The following PRSS57 variants were observed in gnomAD, a reference collection of about 807,000 sequenced individuals.
PRSS57 encodes the protein neutrophil serine protease 4.
PRSS57 carries 19 observed loss-of-function variants against 20.6 expected under a neutral mutation model. That is an observed-to-expected ratio of 0.92 (90% CI 0.64 to 1.35). The LOEUF is 1.35. PRSS57 is among the 40% of genes most tolerant of loss of function. The pLI is 0.00. For synonymous variants in PRSS57, 203 were observed against 176.6 expected, an observed-to-expected ratio of 1.15 and a Z score of -1.19; for missense variants, 440 against 403.7, an observed-to-expected ratio of 1.09 and a Z score of -0.77.
At chr19:689,935 C>A (rs572601933) in intron 3 of PRSS57, among the ~76,000 whole-genome samples, 16 of 151,944 alleles carry the variant, frequency 1.1e-4, no homozygotes, top group Admixed American at 3.9e-4. Flanking sequence ...TGCCTGTGAT[C>A]CCAGCTACTC....
chr19:693,493 TGC>T (rs1378677803), intron 2 of PRSS57, among the ~76,000 whole-genome samples: 5 of 152,082 alleles, frequency 3.3e-5, no homozygotes, highest in African/African-American at 1.2e-4. Context: ...ATCCATTTAA[TGC>T]TCACGCCGGC....
chr19:687,694 C>T (rs377222140), intron 3 of PRSS57, among the ~76,000 whole-genome samples: 49 of 152,148 alleles, frequency 3.2e-4, no homozygotes, highest in Admixed American at 1.3e-3. Flanking sequence ...AGTGAGCCGC[C>T]GCGCCCAGCC....
At position 695,343 on chromosome 19, in the gene PRSS57, G is replaced by C; in HGVS notation, c.79+9C>G. Reference sequence around the variant, plus strand: ...GGGGCCTGGGTGGGGATCCCGGGGGGCTCCTCACCGGGGGGCTTCACGGGC... The same window carrying C: ...GGGGCCTGGGTGGGGATCCCGGGGGCCTCCTCACCGGGGGGCTTCACGGGC... On this transcript the variant is annotated intron_variant, in intron 1 of 4. Coordinates refer to ENST00000329267, the MANE Select transcript of PRSS57 (RefSeq NM_001308209.2). 8.0e-7 allele frequency: 1 copy of C among 1,253,802 alleles called. No individual in the cohort carries two copies. The highest frequency in any genetic ancestry group is 3.8e-5 in the Admixed American group (1 of 26,184). 77.7% of individuals were successfully genotyped at this position (1,253,802 alleles called of 1,614,324 possible). A position where few individuals can be genotyped will look rare whatever the true frequency, so the allele number is the denominator to read the frequency against.
Position 686,962 on chromosome 19 carries a change from G to A in PRSS57, c.605C>T (p.Thr202Ile). 1 of 1,614,124 alleles carries A rather than the reference G, an allele frequency of 6.2e-7. No homozygotes were observed. Among genetic ancestry groups the A allele is most frequent in the Non-Finnish European group, 8.5e-7 (1 of 1,180,020 alleles). The stretch of plus-strand genomic sequence containing the variant: ...CCGTCTGTGGCTGTCCCCACTGCGG[G>A]TGCAGAGCATGGTAAGTGTCAGGTG... Reference protein sequence around the residue: ...KGHLTLTMLCTRSGDSHRRGF... With the variant: ...KGHLTLTMLCIRSGDSHRRGF... Residue 202 changes from threonine (T) to isoleucine (I), a missense_variant, in exon 4 of 5, where the codon ACC becomes ATC. By Grantham distance (89) the Thr-to-Ile change is moderately conservative. Transcript: ENST00000329267.
Position 685,661 on chromosome 19 carries a change from C to T in PRSS57, c.*55G>A, listed in dbSNP as rs12986403. The T allele has an allele frequency of 0.1, 148,939 of 1,450,266 alleles. 8,462 individuals are homozygous for T. The highest frequency in any genetic ancestry group is 0.17 in the African/African-American group (12,151 of 70,460). The allele number at this position is 1,450,266 out of a possible 1,614,324, so 89.8% of individuals were successfully genotyped here. A position where few individuals can be genotyped will look rare whatever the true frequency, so the allele number is the denominator to read the frequency against. Reference sequence around the variant, plus strand: ...TCAGGCTTCCCGTGGGGCCCAGCCACGGAACATTCCAGGCCTGGAGCGGCC... The same window carrying T: ...TCAGGCTTCCCGTGGGGCCCAGCCATGGAACATTCCAGGCCTGGAGCGGCC... On this transcript the variant is annotated 3_prime_UTR_variant, in exon 5 of 5. Transcript: ENST00000329267.
intron 3 of PRSS57, chr19:690,644 C>T: frequency 4.1e-6 from 1 of 245,722 alleles, no homozygotes; most frequent in Non-Finnish European, 8.2e-6. Context: ...TATGCCGGTG[C>T]AGAAGCAGAT....
intron 1 of PRSS57, among the ~76,000 whole-genome samples, 175 bp from the exon 2 acceptor site, chr19:695,142 G>A (rs1473487319): frequency 6.6e-6 from 1 of 152,110 alleles, no homozygotes; most frequent in African/African-American, 2.4e-5. Context: ...GCGCTGGGAG[G>A]GGCTCCCGAG....
At position 687,077 on chromosome 19, in the gene PRSS57, C is replaced by T. The variant is rs142029898; in HGVS notation, c.490G>A (p.Val164Met). 343 of 1,613,940 alleles carry T rather than the reference C, an allele frequency of 2.1e-4. 1 individual carries two copies. In the African/African-American group the frequency reaches 3.9e-3, roughly 18 times the overall value. Residue 164 changes from valine to methionine, a missense_variant, in exon 4 of 5, where the codon GTG (valine) becomes ATG (methionine). Transcript: ENST00000329267. ...GGCGGCAGCTCCTCAAAGTCAGACA[C>T]GAAGCCCCAGCCAGCCACCCGGCAC... is the stretch of plus-strand genomic sequence containing the variant. ...TRCRVAGWGFVSDFEELPPGL... is the reference protein window; with the variant it reads ...TRCRVAGWGFMSDFEELPPGL...
At chr19:693,669 A>C (rs575028705) in intron 2 of PRSS57, among the ~76,000 whole-genome samples, 3 of 149,476 alleles carry the variant, frequency 2.0e-5, no homozygotes, top group African/African-American at 7.4e-5. Context: ...CCTGGGTTCA[A>C]GTGATTCTCC....
intron 3 of PRSS57, chr19:690,259 C>G (rs975163011): frequency 6.6e-6 from 1 of 151,122 alleles, no homozygotes; most frequent in Non-Finnish European, 1.5e-5. Flanking sequence ...TGCAGTGAGC[C>G]GAGATCGTGC....
intron 3 of PRSS57, 148 bp from the exon 4 acceptor site, chr19:687,336 C>G (rs1600667112): frequency 1.2e-5 from 11 of 912,292 alleles, no homozygotes; most frequent in Non-Finnish European, 1.7e-5. Context: ...CCCGTTCCTT[C>G]TGCCAACACA....
At position 691,978 on chromosome 19, in the gene PRSS57, C is replaced by T; in HGVS notation, c.258G>A (p.Val86=). ...CAGTACTCAGGACGTGGGCGCCCAG[C>T]ACCACCAGGCCAGTGCGGAGGTCTC... ...SHRDLRTGLV[V]LGAHVLSTAE... is the part of the protein sequence containing the mutation. The change falls in exon 3 of 5, where the codon GTG becomes GTA. Residue 86 remains valine, a synonymous_variant. Coordinates refer to ENST00000329267, the MANE Select transcript of PRSS57 (RefSeq NM_001308209.2). 7.5e-7 allele frequency: 1 copy of T among 1,326,310 alleles called. No homozygotes were observed. The highest frequency in any genetic ancestry group is 9.7e-7 in the Non-Finnish European group (1 of 1,028,926). 82.2% of individuals were successfully genotyped at this position (1,326,310 alleles called of 1,614,324 possible). A position where few individuals can be genotyped will look rare whatever the true frequency, so the allele number is the denominator to read the frequency against.
intron 3 of PRSS57, chr19:691,017 CA>C: frequency 2.6e-6 from 1 of 383,574 alleles, no homozygotes; most frequent in Non-Finnish European, 4.9e-6. Context: ...GCCACTTTGC[CA>C]AGGCCGCCTC....
chr19:685,699 T>G lies in PRSS57; in HGVS notation c.*17A>C, dbSNP rs376875480. The G allele has an allele frequency of 6.6e-7, 1 of 1,507,618 alleles. No individual in the cohort carries two copies. Among genetic ancestry groups the G allele is most frequent in the Admixed American group, 2.1e-5 (1 of 47,342 alleles). 93.4% of individuals were successfully genotyped at this position (1,507,618 alleles called of 1,614,324 possible). ...GCCTGGAGCGGCCATCTCATTTGCA[T>G]GCCGCAAGGTTGTGGCTCAGGCGGC... On this transcript the variant is annotated 3_prime_UTR_variant, in exon 5 of 5. Transcript: ENST00000329267.
chr19:691,564 A>C (rs2031647174), intron 3 of PRSS57, among the ~76,000 whole-genome samples: 2 of 151,242 alleles, frequency 1.3e-5, no homozygotes. Context: ...TCACGCTTGT[A>C]ATCCCAGCCC....
chr19:694,682 T>A lies in PRSS57; in HGVS notation c.233+132A>T, dbSNP rs77032132. On this transcript the variant is annotated intron_variant, in intron 2 of 4. Coordinates refer to ENST00000329267, the MANE Select transcript of PRSS57 (RefSeq NM_001308209.2). ...TCCTCCTGTTTTCCCTTTGTTGCCCTTTAAATCCAGCCCCTGCTGAGACTC... is the reference window on the plus strand; with the variant it reads ...TCCTCCTGTTTTCCCTTTGTTGCCCATTAAATCCAGCCCCTGCTGAGACTC... The A allele has an allele frequency of 1.5e-3, 1,650 of 1,076,918 alleles. 24 individuals carry two copies. In the African/African-American group the frequency reaches 0.024, roughly 16 times the overall value. 66.7% of individuals were successfully genotyped at this position (1,076,918 alleles called of 1,614,324 possible).
chr19:695,008 AACGGATG>A (rs2031751602), intron 1 of PRSS57, 41 bp from the exon 2 acceptor site: 1 of 1,484,054 alleles, frequency 6.7e-7, no homozygotes, highest in Non-Finnish European at 9.0e-7. Context: ...AGGCGGGAGG[AACGGATG>A]ACGGGGCTGG....
At position 685,869 on chromosome 19, in the gene PRSS57, G is replaced by A. The variant is rs901014956; in HGVS notation, c.696C>T (p.Ser232=). 4 of 1,556,808 alleles carry A rather than the reference G, an allele frequency of 2.6e-6. No individual in the cohort carries two copies. Among genetic ancestry groups the A allele is most frequent in the Non-Finnish European group, 2.6e-6 (3 of 1,150,712 alleles). The change falls in exon 5 of 5, where the codon TCC becomes TCT. Residue 232 remains serine, a synonymous_variant. Transcript: ENST00000329267. ...GGTCGCCGCACCAGAGGCCCGAGAAGGAAACGAGGCCGTGAGCCCGGTTCC... is the reference window on the plus strand; with the variant it reads ...GGTCGCCGCACCAGAGGCCCGAGAAAGAAACGAGGCCGTGAGCCCGGTTCC... ...VCRNRAHGLV[S]FSGLWCGDPK...
intron 1 of PRSS57, 79 bp from the exon 2 acceptor site, chr19:695,046 T>A: frequency 7.5e-7 from 1 of 1,337,192 alleles, no homozygotes; most frequent in Non-Finnish European, 9.8e-7. Context: ...GGGGGAGAAG[T>A]AGCGGCCAAG....
Sources: gnomAD v4.1 joint callset for allele counts (sites outside exome capture counted in the v4.1 genomes callset) on GRCh38, gnomAD v4.1.1 for gene constraint, MANE v1.5 for transcripts, NCBI Gene and HGNC (gene_info 2026-07-23, HGNC 2026-07-21) for gene names.